ARHGEF2: variants seen among roughly 807,000 people sequenced by gnomAD.
ARHGEF2 encodes the protein Rho/Rac guanine nucleotide exchange factor 2.
ARHGEF2 carries 22 observed loss-of-function variants against 121.0 expected under a neutral mutation model. That is an observed-to-expected ratio of 0.18 (90% confidence interval 0.13 to 0.26). The LOEUF is 0.26. ARHGEF2 is among the 10% of genes least tolerant of loss of function. The pLI is 1.00. For synonymous variants in ARHGEF2, 487 were observed against 530.0 expected (o/e 0.92, Z 1.11); for missense variants, 907 against 1,336.0 (o/e 0.68, Z 5.01).
chr1:155,966,563 T>G, intron 3 of ARHGEF2, 84 bp from the exon 4 acceptor site: 1 of 1,479,152 alleles, frequency 6.8e-7, no homozygotes, highest in East Asian at 2.3e-5. Context: ...AGGAGCTAGG[T>G]GGCCGGCCCC....
rs762281982 is a variant in ARHGEF2, at chr1:155,950,306, ACTGTGGGGCGGAGACAGACGG to A, written c.2859_2879del (p.Arg954_Ser960del). The A allele has an allele frequency of 6.2e-7, 1 of 1,612,514 alleles. No homozygotes were observed. The highest frequency in any genetic ancestry group is 8.5e-7 in the Non-Finnish European group (1 of 1,179,954). ...TCTCCGCCAGGGTCTCACCTCGTGG[ACTGTGGGGCGGAGACAGACGG>A]CTGCTACCTTCCTCCTCGCTGCCAG... On this transcript the variant is annotated inframe_deletion, in exon 21 of 22. Coordinates refer to ENST00000361247, the MANE Select transcript of ARHGEF2 (RefSeq NM_001162383.2). The surrounding 1 kb of genome is among the most constrained non-coding windows in gnomAD (Gnocchi z 5.2).
intron 1 of ARHGEF2, chr1:155,970,239 T>C: frequency 1.0e-6 from 1 of 982,178 alleles, no homozygotes; most frequent in Non-Finnish European, 1.2e-6. Context: ...GCGCACACCT[T>C]CCTCGGAGCC....
At position 155,963,014 on chromosome 1, in the gene ARHGEF2, T is replaced by G. The variant is rs1405182132; in HGVS notation, c.894A>C (p.Leu298Phe). The G allele has an allele frequency of 6.2e-7, 1 of 1,614,176 alleles. No homozygotes were observed. The highest frequency in any genetic ancestry group is 1.1e-5 in the South Asian group (1 of 91,078). Reference protein sequence around the residue: ...DIHTRFLSQLLERRRQALCPG... With the variant: ...DIHTRFLSQLFERRRQALCPG... ...GGCACAGGGCCTGGCGTCGGCGTTC[T>G]AATAGCTGGCTGAGGAAGCGTGTAT... The change falls in exon 8 of 22, where the codon TTA (leucine) becomes TTC (phenylalanine). Residue 298 changes from leucine to phenylalanine, a missense_variant. Coordinates refer to ENST00000361247, the MANE Select transcript of ARHGEF2 (RefSeq NM_001162383.2).
Position 155,951,507 on chromosome 1 carries a change from G to A in ARHGEF2, c.2235C>T (p.Leu745=). The change falls in exon 19 of 22, where the codon CTC becomes CTT. Residue 745 remains leucine (L), a synonymous_variant. Coordinates refer to ENST00000361247, the MANE Select transcript of ARHGEF2 (RefSeq NM_001162383.2). The surrounding 1 kb of genome is among the most constrained non-coding windows in gnomAD (Gnocchi z 5.1). ...QEEALQRLVN[L]YGLLHGLQAA... is the part of the protein sequence containing the mutation. ...CCTGTAGGCCATGTAGAAGTCCATA[G>A]AGATTGACCAATCGCTGTAACGCCT... 6.2e-7 allele frequency: 1 copy of A among 1,614,194 alleles called. No individual in the cohort carries two copies. The highest frequency in any genetic ancestry group is 8.5e-7 in the Non-Finnish European group (1 of 1,180,036).
At chr1:155,963,807 G>A (rs1678479880) in intron 7 of ARHGEF2, among the ~76,000 whole-genome samples, 1 of 151,924 alleles carries the variant, frequency 6.6e-6, no homozygotes. Flanking sequence ...AAGTAGCTGG[G>A]ACTATAGGCA....
At chr1:155,956,946 A>G (rs1178393953) in intron 13 of ARHGEF2, among the ~76,000 whole-genome samples, 1 of 150,078 alleles carries the variant, frequency 6.7e-6, no homozygotes, top group East Asian at 2.0e-4. Context: ...CTGTAGTCCC[A>G]GCTATTTGGG....
chr1:155,968,740 A>G (rs558118555), intron 2 of ARHGEF2: 2 of 177,080 alleles, frequency 1.1e-5, no homozygotes, highest in East Asian at 3.2e-4. Flanking sequence ...GCGCAGGAAG[A>G]CAGGCAGAGC....
At chr1:155,953,500 G>C (rs143592841) in intron 14 of ARHGEF2, among the ~76,000 whole-genome samples, 17 of 151,938 alleles carry the variant, frequency 1.1e-4, no homozygotes, top group Non-Finnish European at 2.1e-4. Flanking sequence ...AATGGGTATA[G>C]GCTGGGCATG....
rs1678185124 is a variant in ARHGEF2, at chr1:155,962,559, G to A, written c.1101+34C>T. On this transcript the variant is annotated intron_variant, in intron 9 of 21. Transcript: ENST00000361247. The surrounding 1 kb of genome is among the most constrained non-coding windows in gnomAD (Gnocchi z 5.8). ...CATGAGTTGGGGAGGGTGGGTTTGG[G>A]CCATGAGCATGGGATCTGGAGAGGT... 8 of 1,610,352 alleles carry A rather than the reference G, an allele frequency of 5.0e-6. No homozygotes were observed. The East Asian group carries it at 1.6e-4, about 31-fold the overall frequency.
Position 155,968,931 on chromosome 1 carries a change from T to C in ARHGEF2, c.208+225A>G, listed in dbSNP as rs936336796. 7 of 522,082 alleles carry C rather than the reference T, an allele frequency of 1.3e-5. No homozygotes were observed. The African/African-American group carries it at 1.4e-4, about 10-fold the overall frequency. The allele number at this position is 522,082 out of a possible 1,614,324, so 32.3% of individuals were successfully genotyped here. A position where few individuals can be genotyped will look rare whatever the true frequency, so the allele number is the denominator to read the frequency against. ...CAAGAGGAGCCAGCACAGCCTCCCC[T>C]CCCCCACATTCCCAGATAGTCCGGC... On this transcript the variant is annotated intron_variant, in intron 2 of 21. Transcript: ENST00000361247.
intron 2 of ARHGEF2, chr1:155,968,406 A>C (rs1164430472): frequency 2.0e-5 from 3 of 152,112 alleles, no homozygotes; most frequent in South Asian, 4.1e-4. Context: ...ATCCTGCTCT[A>C]ATCAGAGGCA....
Position 155,961,746 on chromosome 1 carries a change from G to T in ARHGEF2, c.1383C>A (p.Gly461=). Residue 461 remains glycine, a synonymous_variant, in exon 11 of 22, where the codon GGC becomes GGA. Coordinates refer to ENST00000361247, the MANE Select transcript of ARHGEF2 (RefSeq NM_001162383.2). This position sits in a 1 kb window ranked among gnomAD's most constrained non-coding sequence, Gnocchi z 4.7. ...TCAGAAGTTCCTCTCGGCCAAAGGGGCCCTTGCCAGGCACTGGGGTTTGGG... is the reference window on the plus strand; with the variant it reads ...TCAGAAGTTCCTCTCGGCCAAAGGGTCCCTTGCCAGGCACTGGGGTTTGGG... ...PRAQTPVPGK[G]PFGREELLRR... 6.2e-7 allele frequency: 1 copy of T among 1,614,202 alleles called. No homozygotes were observed.
In ARHGEF2 at chr1:155,962,767, C is replaced by G. The variant is rs749309209; in HGVS notation, c.976-49G>C. On this transcript the variant is annotated intron_variant, in intron 8 of 21. Coordinates refer to ENST00000361247, the MANE Select transcript of ARHGEF2 (RefSeq NM_001162383.2). The surrounding 1 kb of genome is among the most constrained non-coding windows in gnomAD (Gnocchi z 5.8). ...AGGTCAGCATTCCCCCAAAGCCACA[C>G]TTTACCCACTGGACACACCTCTGGC... The G allele has an allele frequency of 5.6e-6, 9 of 1,611,440 alleles. No homozygotes were observed. The highest frequency in any genetic ancestry group is 7.6e-6 in the Non-Finnish European group (9 of 1,178,588).
intron 14 of ARHGEF2, among the ~76,000 whole-genome samples, chr1:155,954,127 A>ATT (rs60911504): frequency 0.8 from 115,173 of 144,440 alleles, 47,663 homozygotes; most frequent in East Asian, 0.93. Context: ...ATGCCTAGCT[A>ATT]TTTTTTTTTT....
Position 155,961,590 on chromosome 1 carries a change from T to C in ARHGEF2, c.1468+71A>G. On this transcript the variant is annotated intron_variant, in intron 11 of 21. Transcript: ENST00000361247. This position sits in a 1 kb window ranked among gnomAD's most constrained non-coding sequence, Gnocchi z 4.7. Reference sequence around the variant, plus strand: ...GCACCCGGCCAAGAGAGGTTGATTCTAAGACCTGCAGGCATCTCCCACTCT... The same window carrying C: ...GCACCCGGCCAAGAGAGGTTGATTCCAAGACCTGCAGGCATCTCCCACTCT... 6.4e-7 allele frequency: 1 copy of C among 1,559,012 alleles called. No homozygotes were observed. The highest frequency in any genetic ancestry group is 8.7e-7 in the Non-Finnish European group (1 of 1,155,062).
At chr1:155,977,481 C>T (rs566585008) in intron 1 of ARHGEF2, among the ~76,000 whole-genome samples, 5 of 151,954 alleles carry the variant, frequency 3.3e-5, no homozygotes, top group Admixed American at 6.5e-5. Context: ...GTGAAGGGAC[C>T]CCAAGACGAG....
chr1:155,956,155 A>T (rs2102644550), intron 13 of ARHGEF2, among the ~76,000 whole-genome samples: 1 of 152,184 alleles, frequency 6.6e-6, no homozygotes, highest in South Asian at 2.1e-4. Flanking sequence ...GCTGGAGTGC[A>T]GTGGCACAAT....
Position 155,947,676 on chromosome 1 carries a change from T to C in ARHGEF2, c.*266A>G. The C allele has an allele frequency of 4.2e-6, 2 of 480,262 alleles. No individual in the cohort carries two copies. Among genetic ancestry groups the C allele is most frequent in the Non-Finnish European group, 7.5e-6 (2 of 267,440 alleles). 29.8% of individuals were successfully genotyped at this position (480,262 alleles called of 1,614,324 possible). A position where few individuals can be genotyped will look rare whatever the true frequency, so the allele number is the denominator to read the frequency against. On this transcript the variant is annotated 3_prime_UTR_variant, in exon 22 of 22. Coordinates refer to ENST00000361247, the MANE Select transcript of ARHGEF2 (RefSeq NM_001162383.2). ...CTCTCCCCCCATAACTAATAAACAA[T>C]AAATAAATAAATTTTCCTAAAGTTG...
Sources: gnomAD v4.1 joint callset for allele counts (sites outside exome capture counted in the v4.1 genomes callset) on GRCh38, gnomAD v4.1.1 for gene constraint, Gnocchi (gnomAD v3.1) non-coding constraint, MANE v1.5 for transcripts, NCBI Gene and HGNC (gene_info 2026-07-23, HGNC 2026-07-21) for gene names.